The following RBM12 variants were observed in gnomAD, a reference collection of about 807,000 sequenced individuals.
The protein encoded by RBM12 is RNA-binding protein 12.
Under a neutral mutation model 37.2 loss-of-function variants are expected in RBM12, and 24 were observed. That is an observed-to-expected ratio of 0.65 (90% CI 0.47 to 0.91). RBM12 has a LOEUF of 0.91. Ranked by LOEUF, RBM12 falls within the 40% of genes least tolerant of loss-of-function variation. The pLI is 0.00. For missense variants in RBM12, 1,061 were observed against 1,183.2 expected, an observed-to-expected ratio of 0.90 and a Z score of 1.52; for synonymous variants, 420 against 425.2, an observed-to-expected ratio of 0.99 and a Z score of 0.15.
At position 35,652,693 on chromosome 20, in the gene RBM12, T is replaced by C; in HGVS notation, c.2630A>G (p.Tyr877Cys). The change falls in exon 3 of 3, where the codon TAT (tyrosine) becomes TGT (cysteine). Residue 877 changes from tyrosine to cysteine, a missense_variant. By Grantham distance (194) the Tyr-to-Cys change is radical. Transcript: ENST00000374114. ...VSIDEILDFFYGYQVIPGSVC... is the reference protein window; with the variant it reads ...VSIDEILDFFCGYQVIPGSVC... ...TGAGCCTGGGATTACTTGATAGCCATAAAAGAAATCTAAAATCTCATCAAT... is the reference window on the plus strand; with the variant it reads ...TGAGCCTGGGATTACTTGATAGCCACAAAAGAAATCTAAAATCTCATCAAT... 1 of 1,614,042 alleles carries C rather than the reference T, an allele frequency of 6.2e-7. No individual in the cohort carries two copies.
At position 35,664,802 on chromosome 20, in the gene RBM12, CCCCCGCGCGAGTGCCTCCG is replaced by C. The variant is rs1300020469; in HGVS notation, c.-169_-151del. The C allele has an allele frequency of 6.6e-6, 1 of 152,444 alleles. No individual in the cohort carries two copies. Among genetic ancestry groups the C allele is most frequent in the Non-Finnish European group, 1.5e-5 (1 of 68,200 alleles). The allele number at this position is 152,444 out of a possible 1,614,324, so 9.4% of individuals were successfully genotyped here. A position where few individuals can be genotyped will look rare whatever the true frequency, so the allele number is the denominator to read the frequency against. ...CACCAGAACCCAGACCCCGAATTAC[CCCCCGCGCGAGTGCCTCCG>C]CCCCGCGGCCGACAGCCCCAGCCCG... On this transcript the variant is annotated 5_prime_UTR_variant, in exon 1 of 3. Coordinates refer to ENST00000374114, the MANE Select transcript of RBM12 (RefSeq NM_006047.6).
chr20:35,658,004 C>T (rs555678032), intron 2 of RBM12, among the ~76,000 whole-genome samples: 1 of 152,062 alleles, frequency 6.6e-6, no homozygotes, highest in Non-Finnish European at 1.5e-5. Context: ...AGAGATCACG[C>T]CACTGCACTC....
At position 35,654,701 on chromosome 20, in the gene RBM12, T is replaced by G. The variant is rs141618982; in HGVS notation, c.622A>C (p.Ile208Leu). The change falls in exon 3 of 3, where the codon ATT (isoleucine) becomes CTT (leucine). Residue 208 changes from isoleucine (I) to leucine (L), a missense_variant. Coordinates refer to ENST00000374114, the MANE Select transcript of RBM12 (RefSeq NM_006047.6). ...SLPPMPSIPP[I>L]PVPPPVPTLP... is the part of the protein sequence containing the mutation. ...GTAGGTACTGGAGGAGGAACTGGAA[T>G]TGGGGGAATGGATGGCATTGGTGGC... 4.3e-6 allele frequency: 7 copies of G among 1,613,554 alleles called. No individual in the cohort carries two copies. Among genetic ancestry groups the G allele is most frequent in the Admixed American group, 1.7e-5 (1 of 60,012 alleles).
intron 1 of RBM12, among the ~76,000 whole-genome samples, chr20:35,662,806 C>A (rs768821654): frequency 6.6e-6 from 1 of 152,122 alleles, no homozygotes; most frequent in African/African-American, 2.4e-5. Flanking sequence ...AAACATTTGA[C>A]GTGTCAAAGA....
rs2033580982 is a variant in RBM12 at position 35,652,335 on chromosome 20, C to T, written c.*189G>A. 1.6e-6 allele frequency: 1 copy of T among 626,064 alleles called. No homozygotes were observed. The highest frequency in any genetic ancestry group is 2.2e-5 in the South Asian group (1 of 44,674). The allele number at this position is 626,064 out of a possible 1,614,324, so 38.8% of individuals were successfully genotyped here. ...TTCTCTCCAGATAGCTTTACTGTAACATACAGCAATGTTTATCCTGGTGAG... is the reference window on the plus strand; with the variant it reads ...TTCTCTCCAGATAGCTTTACTGTAATATACAGCAATGTTTATCCTGGTGAG... On this transcript the variant is annotated 3_prime_UTR_variant, in exon 3 of 3. Transcript: ENST00000374114.
chr20:35,653,138 C>T lies in RBM12; in HGVS notation c.2185G>A (p.Gly729Arg), dbSNP rs1169494671. 3.1e-6 allele frequency: 5 copies of T among 1,613,570 alleles called. No homozygotes were observed. The African/African-American group carries it at 6.7e-5, about 22-fold the overall frequency. The change falls in exon 3 of 3, where the codon GGA (glycine) becomes AGA (arginine). Residue 729 changes from glycine (G) to arginine (R), a missense_variant. Around this residue, in one of 3 missense-constraint regions of RBM12, gnomAD observed 517 missense variants for 534.0 expected, o/e 0.97. Coordinates refer to ENST00000374114, the MANE Select transcript of RBM12 (RefSeq NM_006047.6). Reference sequence around the variant, plus strand: ...ATTGGTGGCCCAAAGGCATTTGATCCACCAAAATTACCAGGAAAGTTAAAT... The same window carrying T: ...ATTGGTGGCCCAAAGGCATTTGATCTACCAAAATTACCAGGAAAGTTAAAT... ...PPFNFPGNFGGSNAFGPPIPP... is the reference protein window; with the variant it reads ...PPFNFPGNFGRSNAFGPPIPP...
At chr20:35,661,313 TG>T (rs2034219332) in intron 1 of RBM12, among the ~76,000 whole-genome samples, 2 of 152,256 alleles carry the variant, frequency 1.3e-5, no homozygotes, top group Admixed American at 1.3e-4. Flanking sequence ...CTACTATTCC[TG>T]TATTCTAAAT....
rs2033587628 is a variant in RBM12, at chr20:35,652,457, G to C, written c.*67C>G. ...ACAGGTTCTAACCTGGAAATACTAG[G>C]AAAACAATCTGGATGCATTAATCAC... On this transcript the variant is annotated 3_prime_UTR_variant, in exon 3 of 3. Coordinates refer to ENST00000374114, the MANE Select transcript of RBM12 (RefSeq NM_006047.6). The C allele has an allele frequency of 6.6e-7, 1 of 1,510,310 alleles. No homozygotes were observed. The highest frequency in any genetic ancestry group is 8.9e-7 in the Non-Finnish European group (1 of 1,123,264). The allele number at this position is 1,510,310 out of a possible 1,614,324, so 93.6% of individuals were successfully genotyped here.
chr20:35,653,477 C>A lies in RBM12; in HGVS notation c.1846G>T (p.Val616Phe). 6.2e-7 allele frequency: 1 copy of A among 1,614,212 alleles called. No homozygotes were observed. Among genetic ancestry groups the A allele is most frequent in the Middle Eastern group, 1.6e-4 (1 of 6,062 alleles). ...RKKLNGREAF[V>F]HVVTLEDMRE... ...ATATCTTCTAGGGTAACTACATGAACAAAAGCTTCTCTCCCATTAAGTTTT... is the reference window on the plus strand; with the variant it reads ...ATATCTTCTAGGGTAACTACATGAAAAAAAGCTTCTCTCCCATTAAGTTTT... The change falls in exon 3 of 3, where the codon GTT becomes TTT. Residue 616 changes from valine (V) to phenylalanine (F), a missense_variant. This residue lies in a region of RBM12 where 517 missense variants were observed against 534.0 expected (regional missense o/e 0.97). Coordinates refer to ENST00000374114, the MANE Select transcript of RBM12 (RefSeq NM_006047.6).
intron 1 of RBM12, among the ~76,000 whole-genome samples, chr20:35,661,079 T>C (rs552052729): frequency 1.3e-4 from 20 of 152,344 alleles, no homozygotes; most frequent in African/African-American, 4.8e-4. Context: ...GATAGAAATT[T>C]ATGATTCTCT....
chr20:35,662,583 G>C (rs2034290066), intron 1 of RBM12, among the ~76,000 whole-genome samples: 1 of 152,170 alleles, frequency 6.6e-6, no homozygotes, highest in Non-Finnish European at 1.5e-5. Flanking sequence ...AGCATCTTTT[G>C]TGCAACCAAC....
intron 1 of RBM12, among the ~76,000 whole-genome samples, chr20:35,660,202 C>CT (rs963794869): frequency 9.7e-4 from 146 of 149,828 alleles, no homozygotes; most frequent in African/African-American, 2.6e-3. Context: ...AATCTAGCCT[C>CT]TTTTTTTTTT....
intron 2 of RBM12, 62 bp from the exon 3 acceptor site, chr20:35,655,406 TA>T: frequency 7.3e-7 from 1 of 1,379,290 alleles, no homozygotes; most frequent in Non-Finnish European, 9.8e-7. Flanking sequence ...AGTTTTTAGC[TA>T]CAAGAATGAC....
chr20:35,651,502 A>G lies in RBM12; in HGVS notation c.*1022T>C, dbSNP rs1342754205. The G allele has an allele frequency of 1.3e-5, 2 of 152,254 alleles. No individual in the cohort carries two copies. The highest frequency in any genetic ancestry group is 2.4e-5 in the African/African-American group (1 of 41,466). The allele number at this position is 152,254 out of a possible 1,614,324, so 9.4% of individuals were successfully genotyped here. On this transcript the variant is annotated 3_prime_UTR_variant, in exon 3 of 3. Transcript: ENST00000374114. Reference sequence around the variant, plus strand: ...CTTTTATTCTATACTACTACTGCTAACAAAGATAATTTCAACTTCAGTTTT... The same window carrying G: ...CTTTTATTCTATACTACTACTGCTAGCAAAGATAATTTCAACTTCAGTTTT...
At chr20:35,660,974 C>A (rs2034202172) in intron 1 of RBM12, among the ~76,000 whole-genome samples, 1 of 152,208 alleles carries the variant, frequency 6.6e-6, no homozygotes, top group Non-Finnish European at 1.5e-5. Flanking sequence ...GAAGATATTT[C>A]TCATTCCACA....
At position 35,651,149 on chromosome 20, in the gene RBM12, C is replaced by T. The variant is rs1382095248; in HGVS notation, c.*1375G>A. 2 of 152,134 alleles carry T rather than the reference C, an allele frequency of 1.3e-5. No individual in the cohort carries two copies. Among genetic ancestry groups the T allele is most frequent in the Non-Finnish European group, 2.9e-5 (2 of 68,002 alleles). The allele number at this position is 152,134 out of a possible 1,614,324, so 9.4% of individuals were successfully genotyped here. A position where few individuals can be genotyped will look rare whatever the true frequency, so the allele number is the denominator to read the frequency against. On this transcript the variant is annotated 3_prime_UTR_variant, in exon 3 of 3. Transcript: ENST00000374114. The stretch of plus-strand genomic sequence containing the variant: ...AAATTTGTTTTTCATATCATCTCAC[C>T]TATCTCCCCTTCCGTATTGTTTATA...
Position 35,653,268 on chromosome 20 carries a change from T to G in RBM12, c.2055A>C (p.Ala685=). 6.2e-7 allele frequency: 1 copy of G among 1,613,188 alleles called. No individual in the cohort carries two copies. The highest frequency in any genetic ancestry group is 1.1e-5 in the South Asian group (1 of 91,036). ...TGGGCATTCCCGCACCAGGCAGTCC[T>G]GCACTGGTTATTGCTGAACCAGGCA... ...TGLPGSAITS[A]GLPGAGMPSA... Residue 685 remains alanine, a synonymous_variant, in exon 3 of 3, where the codon GCA becomes GCC. Transcript: ENST00000374114.
chr20:35,652,746 T>G lies in RBM12; in HGVS notation c.2577A>C (p.Lys859Asn). 1 of 1,613,574 alleles carries G rather than the reference T, an allele frequency of 6.2e-7. No individual in the cohort carries two copies. ...SSGKPGPTVI[K>N]VQNMPFTVSI... The stretch of plus-strand genomic sequence containing the variant: ...ACACAGTAAAGGGCATGTTTTGCAC[T>G]TTAATTACTGTCGGTCCTGGTTTTC... The change falls in exon 3 of 3, where the codon AAA becomes AAC. Residue 859 changes from lysine to asparagine, a missense_variant. Lys to Asn is a moderately conservative substitution (Grantham distance 94). Coordinates refer to ENST00000374114, the MANE Select transcript of RBM12 (RefSeq NM_006047.6).
In RBM12 at chr20:35,650,971, G is replaced by A. The variant is rs1382690792; in HGVS notation, c.*1553C>T. The A allele has an allele frequency of 2.6e-5, 4 of 152,528 alleles. No homozygotes were observed. The highest frequency in any genetic ancestry group is 5.9e-5 in the Non-Finnish European group (4 of 67,998). The allele number at this position is 152,528 out of a possible 1,614,324, so 9.4% of individuals were successfully genotyped here. ...GTAAAAGATAAAATTTGGTTTTCATGATCTCTCATCTATCTCTCCTTCTGT... is the reference window on the plus strand; with the variant it reads ...GTAAAAGATAAAATTTGGTTTTCATAATCTCTCATCTATCTCTCCTTCTGT... On this transcript the variant is annotated 3_prime_UTR_variant, in exon 3 of 3. Transcript: ENST00000374114.
Sources: allele counts gnomAD v4.1 joint callset (sites outside exome capture counted in the v4.1 genomes callset), GRCh38; gene constraint gnomAD v4.1.1; regional missense constraint gnomAD v4.1.1; transcripts MANE v1.5; gene names NCBI Gene and HGNC (gene_info 2026-07-23, HGNC 2026-07-21).